Variants in ZNF583 observed in about 807,000 individuals in gnomAD.
ZNF583 encodes zinc finger protein L3-5.
ZNF583 carries 30 observed loss-of-function variants against 55.3 expected under a neutral mutation model. The ratio of observed to expected loss-of-function variants is 0.54; its 90% CI spans 0.41 to 0.74. The LOEUF is 0.74. Among genes scored for constraint, ZNF583 ranks in the 30% least tolerant of loss-of-function variants. ZNF583 has a pLI of 0.00. For missense variants in ZNF583, 504 were observed against 664.7 expected (o/e 0.76, Z 2.66); for synonymous variants, 208 against 220.0 (o/e 0.95, Z 0.48).
intron 2 of ZNF583, among the ~76,000 whole-genome samples, chr19:56,412,809 A>G (rs776490811): frequency 2.0e-5 from 3 of 152,210 alleles, no homozygotes; most frequent in Non-Finnish European, 4.4e-5. Flanking sequence ...TTATTGTAAT[A>G]TCACTCTTCT....
At chr19:56,422,446 C>A (rs1181940478) in intron 4 of ZNF583, among the ~76,000 whole-genome samples, 1 of 152,082 alleles carries the variant, frequency 6.6e-6, no homozygotes, top group Non-Finnish European at 1.5e-5. Context: ...ACAATATGAA[C>A]AACCATAAAG....
Position 56,404,911 on chromosome 19 carries a change from G to A in ZNF583, c.-90+459G>A, listed in dbSNP as rs1343163153. Among the ~76,000 whole-genome samples, 1 of 152,116 alleles carries A rather than the reference G, an allele frequency of 6.6e-6. No homozygotes were observed. The highest frequency in any genetic ancestry group is 1.5e-5 in the Non-Finnish European group (1 of 68,006). ...TGTGTAGACCACGTGTGAACAGTGT[G>A]TAAGACCATGTCACTGTGTGTGTGA... On this transcript the variant is annotated intron_variant, in intron 1 of 4. Transcript: ENST00000333201. The surrounding 1 kb of genome is among the most constrained non-coding windows in gnomAD (Gnocchi z 5.2).
rs377278294 is a variant in ZNF583 at position 56,423,183 on chromosome 19, G to C, written c.525G>C (p.Gln175His). 3 of 1,612,926 alleles carry C rather than the reference G, an allele frequency of 1.9e-6. No homozygotes were observed. The highest frequency in any genetic ancestry group is 2.5e-6 in the Non-Finnish European group (3 of 1,179,858). The part of the protein sequence containing the change: ...FHQDTIFDIQ[Q>H]SFPTKEKAHK... ...AGGATACAATCTTTGATATACAACA[G>C]AGTTTTCCCACCAAAGAAAAAGCAC... The change falls in exon 5 of 5, where the codon CAG becomes CAC. Residue 175 changes from glutamine (Q) to histidine (H), a missense_variant. Gln to His is a conservative substitution (Grantham distance 24). Coordinates refer to ENST00000333201, the MANE Select transcript of ZNF583 (RefSeq NM_152478.3).
intron 3 of ZNF583, 72 bp downstream of exon 3, chr19:56,414,157 T>G (rs2042281032): frequency 3.9e-6 from 6 of 1,547,118 alleles, no homozygotes; most frequent in Non-Finnish European, 5.2e-6. Context: ...GGGAAACCTC[T>G]GACGTGCTTC....
chr19:56,420,970 T>C lies in ZNF583; in HGVS notation c.233-1921T>C, dbSNP rs1310777196. Among the ~76,000 whole-genome samples, 4 of 152,186 alleles carry C rather than the reference T, an allele frequency of 2.6e-5. No individual in the cohort carries two copies. In the East Asian group the frequency reaches 7.7e-4, roughly 29 times the overall value. On this transcript the variant is annotated intron_variant, in intron 4 of 4. Transcript: ENST00000333201. The stretch of plus-strand genomic sequence containing the variant: ...ATATTTGCTCATCTCTATCTTCTTT[T>C]GGGATGTTTGAATATTTTTTATAAT...
rs1482942986 is a variant in ZNF583 at position 56,424,016 on chromosome 19, A to G, written c.1358A>G (p.Gln453Arg). 6.2e-7 allele frequency: 1 copy of G among 1,613,994 alleles called. No homozygotes were observed. Among genetic ancestry groups the G allele is most frequent in the Non-Finnish European group, 8.5e-7 (1 of 1,180,002 alleles). The change falls in exon 5 of 5, where the codon CAA becomes CGA. Residue 453 changes from glutamine to arginine, a missense_variant. Transcript: ENST00000333201. Reference protein sequence around the residue: ...KAFSNSSSLAQHQRSHTGEKP... With the variant: ...KAFSNSSSLARHQRSHTGEKP... ...TTTAGCAATAGTTCATCACTTGCACAACATCAGAGAAGTCATACTGGAGAA... is the reference window on the plus strand; with the variant it reads ...TTTAGCAATAGTTCATCACTTGCACGACATCAGAGAAGTCATACTGGAGAA...
At chr19:56,406,396 AT>A (rs2042148545) in intron 1 of ZNF583, among the ~76,000 whole-genome samples, 1 of 152,194 alleles carries the variant, frequency 6.6e-6, no homozygotes, top group South Asian at 2.1e-4. Context: ...GCCTTGAATA[AT>A]TACTCCGATG....
rs1001090248 is a variant in ZNF583, at chr19:56,424,203, T to C, written c.1545T>C (p.Thr515=). Reference sequence around the variant, plus strand: ...TTACTCTACATCAGAGAATTCATACTGGAGAAAGACCCTATGAATGTAAAG... The same window carrying C: ...TTACTCTACATCAGAGAATTCATACCGGAGAAAGACCCTATGAATGTAAAG... ...GSLTLHQRIH[T]GERPYECKDC... The change falls in exon 5 of 5, where the codon ACT becomes ACC. Residue 515 remains threonine, a synonymous_variant. Transcript: ENST00000333201. The C allele has an allele frequency of 1.2e-6, 2 of 1,613,832 alleles. No individual in the cohort carries two copies. Among genetic ancestry groups the C allele is most frequent in the Admixed American group, 3.3e-5 (2 of 59,998 alleles).
Position 56,424,311 on chromosome 19 carries a change from C to G in ZNF583, c.1653C>G (p.Ser551=), listed in dbSNP as rs766308747. The G allele has an allele frequency of 6.2e-7, 1 of 1,604,548 alleles. No individual in the cohort carries two copies. The highest frequency in any genetic ancestry group is 8.5e-7 in the Non-Finnish European group (1 of 1,171,578). ...CTATGGAGTCATTCTTGACTCTTTC[C>G]TCTCCCTCACCCTCCACATCAAATC... The part of the protein sequence containing the change: ...IHTMESFLTL[S]SPSPSTSNQL... Residue 551 remains serine (S), a synonymous_variant, in exon 5 of 5, where the codon TCC becomes TCG. Transcript: ENST00000333201.
chr19:56,410,585 C>T (rs2042222739), intron 2 of ZNF583, among the ~76,000 whole-genome samples: 1 of 151,986 alleles, frequency 6.6e-6, no homozygotes, highest in South Asian at 2.1e-4. Flanking sequence ...CCCTGTAATC[C>T]CAGCTACTTG....
chr19:56,411,562 T>C (rs1243931841), intron 2 of ZNF583, among the ~76,000 whole-genome samples: 1 of 152,246 alleles, frequency 6.6e-6, no homozygotes, highest in Non-Finnish European at 1.5e-5. Flanking sequence ...ACAGAATAAA[T>C]GATGTGTGTG....
Position 56,424,686 on chromosome 19 carries a change from C to G in ZNF583, c.*318C>G, listed in dbSNP as rs952863019. On this transcript the variant is annotated 3_prime_UTR_variant, in exon 5 of 5. Transcript: ENST00000333201. ...CTTCCAAAGTTTCTATCTTGTGTCA[C>G]TATCCATCTCATTCTCTGAATACTT... 1.3e-5 allele frequency: 3 copies of G among 229,340 alleles called. No individual in the cohort carries two copies. The Admixed American group carries it at 1.5e-4, about 11-fold the overall frequency. 14.2% of individuals were successfully genotyped at this position (229,340 alleles called of 1,614,324 possible).
intron 2 of ZNF583, among the ~76,000 whole-genome samples, chr19:56,410,618 C>G (rs1600356448): frequency 6.6e-6 from 1 of 152,232 alleles, no homozygotes; most frequent in East Asian, 1.9e-4. Context: ...AGGAGAATTG[C>G]TTGAACATGG....
In ZNF583 at chr19:56,426,317, T is replaced by G. The variant is rs2042492092; in HGVS notation, c.*1949T>G. The G allele has an allele frequency of 6.6e-6, 1 of 152,116 alleles. No homozygotes were observed. The highest frequency in any genetic ancestry group is 1.5e-5 in the Non-Finnish European group (1 of 68,014). The allele number at this position is 152,116 out of a possible 1,614,324, so 9.4% of individuals were successfully genotyped here. On this transcript the variant is annotated 3_prime_UTR_variant, in exon 5 of 5. Coordinates refer to ENST00000333201, the MANE Select transcript of ZNF583 (RefSeq NM_152478.3). ...TACTTTCAAGTGCTTTATCTAAATG[T>G]GGAACAAACAGTGATTAGAGGAGTC... is the stretch of plus-strand genomic sequence containing the variant.
rs2042475555 is a variant in ZNF583, at chr19:56,424,588, G to T, written c.*220G>T. The T allele has an allele frequency of 4.3e-6, 2 of 468,292 alleles. No homozygotes were observed. Among genetic ancestry groups the T allele is most frequent in the Non-Finnish European group, 7.6e-6 (2 of 264,442 alleles). 29.0% of individuals were successfully genotyped at this position (468,292 alleles called of 1,614,324 possible). A position where few individuals can be genotyped will look rare whatever the true frequency, so the allele number is the denominator to read the frequency against. On this transcript the variant is annotated 3_prime_UTR_variant, in exon 5 of 5. Coordinates refer to ENST00000333201, the MANE Select transcript of ZNF583 (RefSeq NM_152478.3). ...TTAAAATCCCTCAGTGGCATCCCAT[G>T]GTTTTTAAGTTAAAGCACACATTCT...
intron 3 of ZNF583, 33 bp from the exon 4 acceptor site, chr19:56,414,312 C>G: frequency 6.2e-7 from 1 of 1,603,984 alleles, no homozygotes; most frequent in East Asian, 2.2e-5. Flanking sequence ...ATTTATAGAC[C>G]TGCCTAATTC....
upstream of ZNF583, chr19:56,404,060 TG>T (rs2042105416): frequency 6.6e-6 from 1 of 152,580 alleles, no homozygotes; most frequent in African/African-American, 2.4e-5. The surrounding 1 kb of genome is among the most constrained non-coding windows in gnomAD (Gnocchi z 5.2). Flanking sequence ...TGGCAGCCTT[TG>T]GGGACCTGAA....
At chr19:56,419,195 C>CTTTTTTTT (rs57785686) in intron 4 of ZNF583, among the ~76,000 whole-genome samples, 1 of 114,050 alleles carries the variant, frequency 8.8e-6, no homozygotes, top group Non-Finnish European at 1.8e-5. Flanking sequence ...TGCAGGTTTA[C>CTTTTTTTT]TTTTTTTTTT....
chr19:56,416,709 T>A (rs1251681414), intron 4 of ZNF583, among the ~76,000 whole-genome samples: 1 of 151,076 alleles, frequency 6.6e-6, no homozygotes, highest in Non-Finnish European at 1.5e-5. Flanking sequence ...CCAGAGTTGT[T>A]TAAAAGAGAG....
Sources: allele counts gnomAD v4.1 joint callset (sites outside exome capture counted in the v4.1 genomes callset), GRCh38; gene constraint gnomAD v4.1.1; non-coding constraint Gnocchi (gnomAD v3.1); transcripts MANE v1.5; gene names NCBI Gene and HGNC (gene_info 2026-07-23, HGNC 2026-07-21).